Variants in RASGRF2 observed in about 807,000 individuals in gnomAD.
RASGRF2 encodes ras-specific guanine nucleotide-releasing factor 2.
Under a neutral mutation model 151.0 loss-of-function variants are expected in RASGRF2, and 76 were observed. The observed-to-expected ratio is 0.50, with a 90% CI of 0.42 to 0.61. RASGRF2 has a LOEUF of 0.61. RASGRF2 is among the 20% of genes least tolerant of loss of function. The probability of loss-of-function intolerance (pLI) is 0.00; values close to 1 mark genes in which losing one functional copy is unlikely to be tolerated. For synonymous variants in RASGRF2, 504 were observed against 566.5 expected, an observed-to-expected ratio of 0.89 and a Z score of 1.57; for missense variants, 1,148 against 1,564.6, an observed-to-expected ratio of 0.73 and a Z score of 4.49.
intron 8 of RASGRF2, among the ~76,000 whole-genome samples, chr5:81,086,203 TA>T (rs201550680): frequency 4.0e-5 from 6 of 148,684 alleles, no homozygotes; most frequent in African/African-American, 4.9e-5. Flanking sequence ...CTTTCAGCAT[TA>T]AAAAAAAAAT....
chr5:81,116,576 C>T (rs1274044136), intron 15 of RASGRF2, among the ~76,000 whole-genome samples: 2 of 152,148 alleles, frequency 1.3e-5, no homozygotes, highest in Non-Finnish European at 2.9e-5. Context: ...TTCTTCTTAC[C>T]ATCTTAAGTA....
intron 25 of RASGRF2, 100 bp downstream of exon 25, chr5:81,217,573 T>TA: frequency 2.5e-4 from 122 of 481,402 alleles, no homozygotes; most frequent in Non-Finnish European, 3.3e-4. Flanking sequence ...TTTTTTCTCT[T>TA]CTTTTTTTTT....
chr5:81,032,668 T>A (rs1750307345), intron 1 of RASGRF2, among the ~76,000 whole-genome samples: 1 of 152,202 alleles, frequency 6.6e-6, no homozygotes, highest in Admixed American at 6.5e-5. Context: ...GAGCTATTTA[T>A]GACAAACCCA....
At chr5:81,034,757 T>C (rs1285956903) in intron 1 of RASGRF2, among the ~76,000 whole-genome samples, 3 of 138,442 alleles carry the variant, frequency 2.2e-5, no homozygotes, top group South Asian at 4.6e-4. Context: ...AATGAGAACA[T>C]ATGGACACAG....
intron 5 of RASGRF2, among the ~76,000 whole-genome samples, chr5:81,077,671 A>T (rs909147666): frequency 3.9e-5 from 6 of 152,222 alleles, no homozygotes; most frequent in African/African-American, 7.2e-5. Context: ...CATTCTGGTG[A>T]TACTTCAGTC....
At chr5:81,029,681 A>G (rs1750167954) in intron 1 of RASGRF2, among the ~76,000 whole-genome samples, 1 of 152,204 alleles carries the variant, frequency 6.6e-6, no homozygotes, top group Non-Finnish European at 1.5e-5. Flanking sequence ...GGTAGATAAA[A>G]CCACAAAGAT....
chr5:81,084,326 A>C (rs1352650284), intron 7 of RASGRF2, among the ~76,000 whole-genome samples: 1 of 152,236 alleles, frequency 6.6e-6, no homozygotes, highest in Non-Finnish European at 1.5e-5. Flanking sequence ...AACTTTTATC[A>C]GTCATGCAAT....
At chr5:81,024,000 G>A (rs192169931) in intron 1 of RASGRF2, among the ~76,000 whole-genome samples, 3 of 152,180 alleles carry the variant, frequency 2.0e-5, no homozygotes, top group Admixed American at 6.5e-5. Context: ...TTTCGTAAGC[G>A]TTATTTTCCC....
At chr5:81,053,633 A>G (rs1394651248) in intron 2 of RASGRF2, among the ~76,000 whole-genome samples, 1 of 152,212 alleles carries the variant, frequency 6.6e-6, no homozygotes, top group African/African-American at 2.4e-5. Context: ...TCCTTTGGAT[A>G]TATACCCAGT....
chr5:81,100,216 C>T (rs1752664587), intron 12 of RASGRF2, among the ~76,000 whole-genome samples: 1 of 152,048 alleles, frequency 6.6e-6, no homozygotes, highest in Admixed American at 6.6e-5. Context: ...CACTATTTTT[C>T]TAAATCTTAC....
intron 19 of RASGRF2, among the ~76,000 whole-genome samples, chr5:81,201,756 T>G (rs1195470479): frequency 1.3e-5 from 2 of 152,188 alleles, no homozygotes; most frequent in Admixed American, 6.5e-5. Context: ...CCGGCAGGCA[T>G]CAAAGAGAGA....
chr5:80,990,093 C>T (rs1748599193), intron 1 of RASGRF2, among the ~76,000 whole-genome samples: 1 of 152,092 alleles, frequency 6.6e-6, no homozygotes, highest in Non-Finnish European at 1.5e-5. Context: ...TTGCTGGGGA[C>T]AAGCGGGAGC....
intron 23 of RASGRF2, among the ~76,000 whole-genome samples, chr5:81,215,364 G>A (rs567864662): frequency 2.7e-5 from 4 of 146,850 alleles, no homozygotes; most frequent in East Asian, 4.3e-4. Context: ...TCCGCCTCCC[G>A]GGTTCAAGTG....
At chr5:81,096,405 G>A (rs1752548860) in intron 12 of RASGRF2, 1 of 152,322 alleles carries the variant, frequency 6.6e-6, no homozygotes, top group South Asian at 2.1e-4. Context: ...TGTGCTGTCA[G>A]GTATTGTGCA....
intron 1 of RASGRF2, among the ~76,000 whole-genome samples, chr5:80,969,319 A>C (rs1400436783): frequency 1.3e-5 from 2 of 151,246 alleles, no homozygotes; most frequent in African/African-American, 4.9e-5. Flanking sequence ...TTTTTTTAGT[A>C]GAGACAGGGT....
intron 2 of RASGRF2, among the ~76,000 whole-genome samples, chr5:81,056,539 TACTTCCA>T (rs1226429078): frequency 6.6e-6 from 1 of 152,258 alleles, no homozygotes; most frequent in Non-Finnish European, 1.5e-5. Context: ...AGGAGTGCTT[TACTTCCA>T]ACTATGTGGT....
At chr5:81,148,022 C>CGG (rs1223042407) in intron 17 of RASGRF2, among the ~76,000 whole-genome samples, 3 of 152,214 alleles carry the variant, frequency 2.0e-5, no homozygotes, top group African/African-American at 7.2e-5. Context: ...TTACCTTCCT[C>CGG]ACTGGGTGTT....
chr5:80,960,846 G>A lies in RASGRF2; in HGVS notation c.108G>A (p.Ala36=), dbSNP rs1580139056. ...RGFLSKKTAE[A]SRWHEKWFAL... ...TCCTGAGTAAGAAGACGGCCGAGGC[G>A]AGCCGCTGGCACGAGAAGTGGTTCG... Residue 36 remains alanine (A), a synonymous_variant, in exon 1 of 27, where the codon GCG becomes GCA. Transcript: ENST00000265080. The surrounding 1 kb of genome is among the most constrained non-coding windows in gnomAD (Gnocchi z 5.5). The A allele has an allele frequency of 1.2e-6, 2 of 1,613,732 alleles. No individual in the cohort carries two copies. Among genetic ancestry groups the A allele is most frequent in the Non-Finnish European group, 1.7e-6 (2 of 1,179,768 alleles).
intron 2 of RASGRF2, among the ~76,000 whole-genome samples, chr5:81,063,807 A>G (rs1023197487): frequency 7.2e-5 from 11 of 152,066 alleles, no homozygotes; most frequent in Middle Eastern, 3.4e-3. Flanking sequence ...TTTTCCAAGA[A>G]CGCTTTTTTA....
Sources: allele counts gnomAD v4.1 joint callset (sites outside exome capture counted in the v4.1 genomes callset), GRCh38; gene constraint gnomAD v4.1.1; non-coding constraint Gnocchi (gnomAD v3.1); transcripts MANE v1.5; gene names NCBI Gene and HGNC (gene_info 2026-07-23, HGNC 2026-07-21).